The following CLEC16A variants were observed in gnomAD, a reference collection of about 807,000 sequenced individuals.
The protein encoded by CLEC16A is protein CLEC16A.
In CLEC16A, 51 loss-of-function variants were observed where a neutral mutation model predicts 109.5. The observed-to-expected ratio is 0.47, with a 90% CI of 0.37 to 0.59. CLEC16A has a LOEUF of 0.59. CLEC16A is among the 20% of genes least tolerant of loss of function. The pLI is 0.00. For missense variants in CLEC16A, 1,339 were observed against 1,394.0 expected, an observed-to-expected ratio of 0.96 and a Z score of 0.63; for synonymous variants, 673 against 564.2, an observed-to-expected ratio of 1.19 and a Z score of -2.73.
At chr16:11,106,868 G>A (rs1325396659) in intron 19 of CLEC16A, among the ~76,000 whole-genome samples, 1 of 152,178 alleles carries the variant, frequency 6.6e-6, no homozygotes, top group Non-Finnish European at 1.5e-5. Context: ...ACAGCTGGAA[G>A]GTGGCAGAGT....
In CLEC16A at chr16:10,982,314, G is replaced by T. The variant is rs1596870220; in HGVS notation, c.958-564G>T. ...TTGCCTCTGTCTCGTGTGATTTTCA[G>T]CCCCGTAGTTCACATACCTCCTGAC... On this transcript the variant is annotated intron_variant, in intron 9 of 23. Coordinates refer to ENST00000409790, the MANE Select transcript of CLEC16A (RefSeq NM_015226.3). Among the ~76,000 whole-genome samples the T allele has an allele frequency of 4.6e-5, 7 of 152,200 alleles. No individual in the cohort carries two copies. In the South Asian group the frequency reaches 1.5e-3, roughly 32 times the overall value.
chr16:11,167,584 CA>C (rs2068324895), intron 23 of CLEC16A, among the ~76,000 whole-genome samples: 1 of 152,194 alleles, frequency 6.6e-6, no homozygotes, highest in Non-Finnish European at 1.5e-5. Context: ...TGGGCACTTC[CA>C]GCTTTTGCAT....
intron 22 of CLEC16A, among the ~76,000 whole-genome samples, chr16:11,159,078 A>T (rs2054630733): frequency 6.6e-6 from 1 of 152,190 alleles, no homozygotes; most frequent in Non-Finnish European, 1.5e-5. Context: ...AGGAGGTGTT[A>T]TGTCAAAATC....
chr16:11,054,099 G>C (rs1163615737), intron 18 of CLEC16A, among the ~76,000 whole-genome samples: 1 of 152,252 alleles, frequency 6.6e-6, no homozygotes, highest in African/African-American at 2.4e-5. Flanking sequence ...AGGATGTGAT[G>C]AGGCTGGGGG....
chr16:11,097,002 A>C (rs889164433), intron 19 of CLEC16A, among the ~76,000 whole-genome samples: 6 of 152,162 alleles, frequency 3.9e-5, no homozygotes, highest in Admixed American at 1.3e-4. Context: ...TTTTTAAAAA[A>C]CTGACTGTAT....
intron 19 of CLEC16A, among the ~76,000 whole-genome samples, chr16:11,066,194 A>C (rs1211263331): frequency 6.6e-6 from 1 of 151,998 alleles, no homozygotes; most frequent in Non-Finnish European, 1.5e-5. Flanking sequence ...GTAGATGAGC[A>C]TTATCTGTGC....
intron 12 of CLEC16A, among the ~76,000 whole-genome samples, chr16:11,022,977 A>T (rs1240326839): frequency 2.8e-5 from 4 of 144,312 alleles, no homozygotes; most frequent in African/African-American, 1.1e-4. Context: ...TTCTTTTCTT[A>T]AAAAAAAAAG....
intron 22 of CLEC16A, among the ~76,000 whole-genome samples, chr16:11,131,907 G>A (rs566659663): frequency 1.3e-5 from 2 of 152,274 alleles, no homozygotes; most frequent in Admixed American, 6.5e-5. Context: ...GGCCAAGTGC[G>A]TCCCATTTCA....
rs1381584856 is a variant in CLEC16A, at chr16:10,982,925, A to G, written c.1005A>G (p.Glu335=). ...CACCGCTGGTGAACTCGTTAGCTGAAGTCATTCTGAATGGTGATCTGTCTG... is the reference window on the plus strand; with the variant it reads ...CACCGCTGGTGAACTCGTTAGCTGAGGTCATTCTGAATGGTGATCTGTCTG... ...HHAPLVNSLA[E]VILNGDLSEM... Residue 335 remains glutamate (E), a synonymous_variant, in exon 10 of 24, where the codon GAA becomes GAG. Coordinates refer to ENST00000409790, the MANE Select transcript of CLEC16A (RefSeq NM_015226.3). The G allele has an allele frequency of 6.2e-7, 1 of 1,613,356 alleles. No homozygotes were observed. The highest frequency in any genetic ancestry group is 8.5e-7 in the Non-Finnish European group (1 of 1,179,284).
intron 1 of CLEC16A, among the ~76,000 whole-genome samples, chr16:10,956,637 C>T (rs1160252502): frequency 1.3e-5 from 2 of 152,158 alleles, no homozygotes; most frequent in Non-Finnish European, 2.9e-5. Context: ...GCTTCTGGTC[C>T]CCGCGCTGCT....
At chr16:11,131,769 A>T (rs1334212964) in intron 22 of CLEC16A, among the ~76,000 whole-genome samples, 1 of 152,012 alleles carries the variant, frequency 6.6e-6, no homozygotes, top group African/African-American at 2.4e-5. Context: ...TCTGTGGCCC[A>T]TGGTCCCATG....
intron 22 of CLEC16A, among the ~76,000 whole-genome samples, chr16:11,136,457 C>T (rs913305148): frequency 1.3e-5 from 2 of 150,870 alleles, no homozygotes; most frequent in Non-Finnish European, 2.9e-5. Context: ...ACTGCTCTTG[C>T]CATTTTGTTG....
At chr16:10,972,839 T>G in intron 6 of CLEC16A, 99 bp from the exon 7 acceptor site, 1 of 1,287,662 alleles carries the variant, frequency 7.8e-7, no homozygotes, top group Non-Finnish European at 1.0e-6. Flanking sequence ...GCTTTTTCAT[T>G]GTGGTTTTTG....
Position 11,174,385 on chromosome 16 carries a change from A to C in CLEC16A, c.2807-3950A>C. ...AAGGTGGGCCAAGCTGGGCCTGAGC[A>C]CAGAGCCATTTGCCAAGGCGGCACT... On this transcript the variant is annotated intron_variant, in intron 23 of 23. Transcript: ENST00000409790. The surrounding 1 kb of genome is among the most constrained non-coding windows in gnomAD (Gnocchi z 4.7). 1 of 361,180 alleles carries C rather than the reference A, an allele frequency of 2.8e-6. No homozygotes were observed. Among genetic ancestry groups the C allele is most frequent in the Middle Eastern group, 9.7e-4 (1 of 1,032 alleles). 22.4% of individuals were successfully genotyped at this position (361,180 alleles called of 1,614,324 possible). A position where few individuals can be genotyped will look rare whatever the true frequency, so the allele number is the denominator to read the frequency against.
intron 1 of CLEC16A, among the ~76,000 whole-genome samples, chr16:10,945,911 G>C (rs1190513223): frequency 6.6e-6 from 1 of 152,190 alleles, no homozygotes; most frequent in Non-Finnish European, 1.5e-5. Context: ...CGAGGGCACA[G>C]ACTGCTTGGT....
chr16:11,023,510 G>A (rs2046238384), intron 12 of CLEC16A, among the ~76,000 whole-genome samples: 1 of 152,126 alleles, frequency 6.6e-6, no homozygotes, highest in Non-Finnish European at 1.5e-5. Context: ...TGGAGAAATG[G>A]GGATGGAACA....
intron 4 of CLEC16A, among the ~76,000 whole-genome samples, chr16:10,970,793 C>T (rs955433654): frequency 3.9e-5 from 6 of 152,212 alleles, no homozygotes; most frequent in African/African-American, 1.2e-4. Flanking sequence ...GTTGCCCAGC[C>T]TGGCGTGCAG....
chr16:11,178,405 A>C lies in CLEC16A; in HGVS notation c.2877A>C (p.Glu959Asp), dbSNP rs199854289. The change falls in exon 24 of 24, where the codon GAA (glutamate) becomes GAC (aspartate). Residue 959 changes from glutamate (E) to aspartate (D), a missense_variant. Coordinates refer to ENST00000409790, the MANE Select transcript of CLEC16A (RefSeq NM_015226.3). The surrounding 1 kb of genome is among the most constrained non-coding windows in gnomAD (Gnocchi z 6.5). ...AGTTGGTAATCGTCAACGAAACGGA[A>C]GCAGACTCTAAGCCCAGCAAGAACG... ...PDQLVIVNET[E>D]ADSKPSKNVA... The C allele has an allele frequency of 1.2e-6, 2 of 1,613,728 alleles. No individual in the cohort carries two copies. The highest frequency in any genetic ancestry group is 2.7e-5 in the African/African-American group (2 of 74,928).
At position 11,169,609 on chromosome 16, in the gene CLEC16A, C is replaced by T. The variant is rs528320806; in HGVS notation, c.2806+3057C>T. The stretch of plus-strand genomic sequence containing the variant: ...GCCCTCCTTTGCACACTTTGCATGG[C>T]CAGGTGTTTGGCTGGGCAAGTACAC... On this transcript the variant is annotated intron_variant, in intron 23 of 23. Transcript: ENST00000409790. Among the ~76,000 whole-genome samples the T allele has an allele frequency of 2.0e-5, 3 of 152,342 alleles. No homozygotes were observed. The East Asian group carries it at 5.8e-4, about 29-fold the overall frequency.
Sources: gnomAD v4.1 joint callset for allele counts (sites outside exome capture counted in the v4.1 genomes callset) on GRCh38, gnomAD v4.1.1 for gene constraint, Gnocchi (gnomAD v3.1) non-coding constraint, MANE v1.5 for transcripts, NCBI Gene and HGNC (gene_info 2026-07-23, HGNC 2026-07-21) for gene names.